The following CDH13 variants were observed in gnomAD, a reference collection of about 807,000 sequenced individuals.
CDH13 encodes cadherin 13.
CDH13 carries 24 observed loss-of-function variants against 63.8 expected under a neutral mutation model. The ratio of observed to expected loss-of-function variants is 0.38; its 90% CI spans 0.27 to 0.53. The LOEUF (loss-of-function observed/expected upper bound fraction) is 0.53. Among genes scored for constraint, CDH13 ranks in the 20% least tolerant of loss-of-function variants. The probability of loss-of-function intolerance (pLI) is 0.85; values close to 1 mark genes in which losing one functional copy is unlikely to be tolerated. For synonymous variants in CDH13, 503 were observed against 355.3 expected (o/e 1.42, Z -4.67); for missense variants, 1,049 against 903.1 (o/e 1.16, Z -2.07).
intron 2 of CDH13, among the ~76,000 whole-genome samples, chr16:82,892,307 C>G (rs1311634668): frequency 6.6e-6 from 1 of 152,206 alleles, no homozygotes. Flanking sequence ...CACATCTATG[C>G]AGCATTTGTG....
intron 6 of CDH13, among the ~76,000 whole-genome samples, chr16:83,403,094 A>G (rs1367147781): frequency 2.0e-5 from 3 of 152,110 alleles, no homozygotes; most frequent in Admixed American, 6.5e-5. Context: ...AACCACATAC[A>G]CACACTAGCT....
chr16:83,711,408 A>G (rs1034710310), intron 10 of CDH13, among the ~76,000 whole-genome samples: 1 of 152,080 alleles, frequency 6.6e-6, no homozygotes, highest in Non-Finnish European at 1.5e-5. Flanking sequence ...TCTTAGTGTA[A>G]TCAGTCAATT....
intron 7 of CDH13, among the ~76,000 whole-genome samples, chr16:83,545,470 G>C (rs1307532632): frequency 6.6e-6 from 1 of 152,200 alleles, no homozygotes; most frequent in African/African-American, 2.4e-5. Context: ...CATGCTTAAA[G>C]AAGTCTCATT....
At chr16:83,046,744 C>T (rs150236505) in intron 3 of CDH13, among the ~76,000 whole-genome samples, 3 of 152,290 alleles carry the variant, frequency 2.0e-5, no homozygotes, top group African/African-American at 7.2e-5. Context: ...CCCAGAATGC[C>T]TCCTAGATAG....
At position 83,576,587 on chromosome 16, in the gene CDH13, C is replaced by T. The variant is rs375909310; in HGVS notation, c.961-25867C>T. Among the ~76,000 whole-genome samples the T allele has an allele frequency of 9.8e-4, 149 of 152,316 alleles. 3 individuals are homozygous for T. The South Asian group carries it at 0.03, about 30-fold the overall frequency. On this transcript the variant is annotated intron_variant, in intron 7 of 13. Coordinates refer to ENST00000567109, the MANE Select transcript of CDH13 (RefSeq NM_001257.5). ...CATACTAGCACCATATGTGGTATTA[C>T]ACATAGCAGTGATACCATTTTATAT...
chr16:83,500,279 C>CTT (rs1285400137), intron 7 of CDH13, among the ~76,000 whole-genome samples: 1 of 2,636 alleles, frequency 3.8e-4, no homozygotes, highest in African/African-American at 4.2e-4. Context: ...TCTTCTTCTT[C>CTT]TTCTTCTTCT....
chr16:83,258,871 C>A (rs1481488319), intron 5 of CDH13, among the ~76,000 whole-genome samples: 2 of 152,238 alleles, frequency 1.3e-5, no homozygotes, highest in Non-Finnish European at 2.9e-5. Flanking sequence ...AGCTCACCAT[C>A]ACATTCCACT....
intron 3 of CDH13, among the ~76,000 whole-genome samples, chr16:83,037,308 T>C (rs1452384132): frequency 1.3e-5 from 2 of 152,142 alleles, no homozygotes; most frequent in African/African-American, 2.4e-5. Flanking sequence ...AGACTCTAAC[T>C]TGAAACTGAC....
chr16:83,332,651 G>T (rs924160953), intron 5 of CDH13, among the ~76,000 whole-genome samples: 8 of 152,064 alleles, frequency 5.3e-5, no homozygotes, highest in Admixed American at 2.0e-4. Context: ...AATAGATCTG[G>T]CATAATTCCA....
intron 2 of CDH13, among the ~76,000 whole-genome samples, chr16:82,915,651 T>C (rs1055880364): frequency 6.6e-6 from 1 of 151,970 alleles, no homozygotes; most frequent in East Asian, 1.9e-4. Flanking sequence ...GCTGTGGTCT[T>C]ATCTACTGCC....
chr16:83,430,002 T>C (rs1286306479), intron 6 of CDH13, among the ~76,000 whole-genome samples: 2 of 152,132 alleles, frequency 1.3e-5, no homozygotes, highest in Non-Finnish European at 2.9e-5. Context: ...AGTCTATAAA[T>C]TGGACTGTTT....
At chr16:82,700,974 C>CCCCCCCCCCG (rs1491560033) in intron 1 of CDH13, among the ~76,000 whole-genome samples, 1 of 39,586 alleles carries the variant, frequency 2.5e-5, no homozygotes, top group Non-Finnish European at 7.2e-5. Flanking sequence ...CCCCCCCCCC[C>CCCCCCCCCCG]GCCCCGGGCA....
intron 5 of CDH13, among the ~76,000 whole-genome samples, chr16:83,291,439 C>T (rs541428955): frequency 2.6e-5 from 4 of 152,140 alleles, no homozygotes; most frequent in Admixed American, 6.6e-5. Context: ...GAGACTGTCC[C>T]TTCCTTCCAC....
intron 1 of CDH13, among the ~76,000 whole-genome samples, chr16:82,805,185 A>G (rs944465926): frequency 6.6e-6 from 1 of 152,130 alleles, no homozygotes; most frequent in Non-Finnish European, 1.5e-5. Context: ...CCTTCTCTCT[A>G]ATAGGACTGT....
intron 2 of CDH13, among the ~76,000 whole-genome samples, chr16:82,926,404 G>C (rs1332027740): frequency 6.6e-6 from 1 of 152,136 alleles, no homozygotes; most frequent in South Asian, 2.1e-4. Flanking sequence ...AAAGTTTAGA[G>C]ATCCTGAGTT....
intron 1 of CDH13, among the ~76,000 whole-genome samples, chr16:82,700,254 C>T (rs1294092481): frequency 1.3e-5 from 2 of 152,186 alleles, no homozygotes; most frequent in African/African-American, 2.4e-5. Flanking sequence ...TTAGAATGTG[C>T]AGCAGTTTCC....
At chr16:83,026,982 A>G (rs1270371043) in intron 2 of CDH13, among the ~76,000 whole-genome samples, 1 of 151,974 alleles carries the variant, frequency 6.6e-6, no homozygotes, top group Non-Finnish European at 1.5e-5. Context: ...AGCATAGCTG[A>G]GTTCTTCATT....
At chr16:83,017,833 C>T (rs2151448639) in intron 2 of CDH13, among the ~76,000 whole-genome samples, 1 of 152,226 alleles carries the variant, frequency 6.6e-6, no homozygotes, top group African/African-American at 2.4e-5. Flanking sequence ...TGGAAGAGTG[C>T]AGAACTAACA....
intron 6 of CDH13, among the ~76,000 whole-genome samples, chr16:83,349,742 A>T (rs1157698061): frequency 1.3e-5 from 2 of 152,096 alleles, no homozygotes. Context: ...CTGGGATTAC[A>T]GACACCTGCC....
Sources: gnomAD v4.1 joint callset for allele counts (sites outside exome capture counted in the v4.1 genomes callset) on GRCh38, gnomAD v4.1.1 for gene constraint, MANE v1.5 for transcripts, NCBI Gene and HGNC (gene_info 2026-07-23, HGNC 2026-07-21) for gene names.